TYW1: variants seen among roughly 807,000 people sequenced by gnomAD.
The protein encoded by TYW1 is S-adenosyl-L-methionine-dependent tRNA 4-demethylwyosine synthase TYW1.
A neutral mutation model predicts 96.2 loss-of-function variants in TYW1; 46 were observed. That is an observed-to-expected ratio of 0.48 (90% confidence interval 0.38 to 0.61). The LOEUF is 0.61. Among genes scored for constraint, TYW1 ranks in the 20% least tolerant of loss-of-function variants. The pLI, the probability that TYW1 is intolerant of heterozygous loss-of-function variation, is 0.00. For synonymous variants in TYW1, 274 were observed against 323.0 expected, an observed-to-expected ratio of 0.85 and a Z score of 1.63; for missense variants, 684 against 909.6, an observed-to-expected ratio of 0.75 and a Z score of 3.19.
chr7:67,145,293 T>C (rs367639378), intron 13 of TYW1, among the ~76,000 whole-genome samples: 1 of 151,290 alleles, frequency 6.6e-6, no homozygotes, highest in African/African-American at 2.4e-5. Context: ...GGACTACAGG[T>C]GCCCGCCAGC....
chr7:67,017,348 A>G (rs1794059998), intron 5 of TYW1, among the ~76,000 whole-genome samples: 2 of 152,156 alleles, frequency 1.3e-5, no homozygotes, highest in Non-Finnish European at 2.9e-5. Flanking sequence ...TTGAACTCTT[A>G]ACTATGCCTC....
intron 13 of TYW1, among the ~76,000 whole-genome samples, chr7:67,124,290 G>T (rs1332930083): frequency 6.6e-6 from 1 of 152,114 alleles, no homozygotes; most frequent in Non-Finnish European, 1.5e-5. Context: ...TGGAGATGGT[G>T]GTTTCCTTTT....
intron 13 of TYW1, among the ~76,000 whole-genome samples, chr7:67,149,835 C>CCA (rs1279572235): frequency 6.6e-6 from 1 of 151,980 alleles, no homozygotes; most frequent in African/African-American, 2.4e-5. Flanking sequence ...AACACGTGAA[C>CCA]CACATCATGA....
chr7:67,155,875 G>T (rs1432868667), intron 13 of TYW1, among the ~76,000 whole-genome samples: 3 of 151,958 alleles, frequency 2.0e-5, no homozygotes, highest in Admixed American at 2.0e-4. Context: ...CAGAGGCAAA[G>T]ACTTTTTCCT....
At chr7:67,130,419 A>G (rs928445203) in intron 13 of TYW1, among the ~76,000 whole-genome samples, 1 of 151,916 alleles carries the variant, frequency 6.6e-6, no homozygotes. Flanking sequence ...CACATCTGGA[A>G]TCCCAGCACT....
At chr7:67,062,577 A>AAAAAAAAAAAAAAG (rs773963932) in intron 9 of TYW1, among the ~76,000 whole-genome samples, 36 of 147,224 alleles carry the variant, frequency 2.4e-4, no homozygotes, top group Non-Finnish European at 4.1e-4. Context: ...AAAAAAAAAA[A>AAAAAAAAAAAAAAG]AAAAGAAAAG....
intron 13 of TYW1, among the ~76,000 whole-genome samples, chr7:67,151,154 G>A (rs189763953): frequency 1.3e-3 from 190 of 151,888 alleles, no homozygotes; most frequent in African/African-American, 4.3e-3. Context: ...GGGTTCAAGC[G>A]ATTCTCCTGC....
intron 13 of TYW1, among the ~76,000 whole-genome samples, chr7:67,157,350 A>G (rs1254087502): frequency 6.6e-6 from 1 of 152,136 alleles, no homozygotes; most frequent in Non-Finnish European, 1.5e-5. Flanking sequence ...CAATGGCACA[A>G]TCTCGGCTCA....
At chr7:67,149,684 T>C (rs1311126725) in intron 13 of TYW1, among the ~76,000 whole-genome samples, 1 of 149,438 alleles carries the variant, frequency 6.7e-6, no homozygotes, top group African/African-American at 2.5e-5. Flanking sequence ...TGATGTGATA[T>C]TTTTCTAGCT....
chr7:67,210,791 ATCTG>A (rs1393665854), intron 15 of TYW1, among the ~76,000 whole-genome samples: 1 of 105,298 alleles, frequency 9.5e-6, no homozygotes, highest in Non-Finnish European at 2.0e-5. Flanking sequence ...TCCGTCCATC[ATCTG>A]TCTGTGTCTA....
chr7:67,223,059 C>A (rs1162364106), intron 15 of TYW1, among the ~76,000 whole-genome samples: 1 of 151,994 alleles, frequency 6.6e-6, no homozygotes, highest in Non-Finnish European at 1.5e-5. Context: ...ATTGATATTT[C>A]TATTTTGTTC....
intron 13 of TYW1, among the ~76,000 whole-genome samples, chr7:67,145,984 T>A (rs1465172504): frequency 6.6e-6 from 1 of 152,188 alleles, no homozygotes; most frequent in Non-Finnish European, 1.5e-5. Context: ...CAGGCTGGTC[T>A]TGAACTCCTG....
At chr7:67,124,324 C>G (rs183316456) in intron 13 of TYW1, among the ~76,000 whole-genome samples, 3 of 152,196 alleles carry the variant, frequency 2.0e-5, no homozygotes, top group Admixed American at 2.0e-4. Context: ...GTCTTGAACT[C>G]CTGGACTCAA....
chr7:67,059,393 G>A (rs184947326), intron 9 of TYW1, among the ~76,000 whole-genome samples: 2,363 of 151,878 alleles, frequency 0.016, 31 homozygotes, highest in Admixed American at 0.044. Flanking sequence ...GTGAGCCACC[G>A]TGCCTGGCCA....
rs564739225 is a variant in TYW1, at chr7:67,141,865, C to T, written c.1698+24247C>T. Among the ~76,000 whole-genome samples, 4 of 152,216 alleles carry T rather than the reference C, an allele frequency of 2.6e-5. No individual in the cohort carries two copies. The South Asian group carries it at 8.3e-4, about 32-fold the overall frequency. ...ACCCTGACCAACATGGGGAGACGCCCTCTCTACTAAAAATACAAAATTAGC... is the reference window on the plus strand; with the variant it reads ...ACCCTGACCAACATGGGGAGACGCCTTCTCTACTAAAAATACAAAATTAGC... On this transcript the variant is annotated intron_variant, in intron 13 of 15. Transcript: ENST00000359626.
At chr7:67,183,327 T>C in intron 14 of TYW1, 91 bp downstream of exon 14, 1 of 1,096,150 alleles carries the variant, frequency 9.1e-7, no homozygotes, top group Non-Finnish European at 1.3e-6. Flanking sequence ...CTTGTAAAAC[T>C]CTAGAGGTCC....
intron 10 of TYW1, among the ~76,000 whole-genome samples, chr7:67,076,039 T>A (rs1796191807): frequency 6.6e-6 from 1 of 152,242 alleles, no homozygotes; most frequent in Non-Finnish European, 1.5e-5. Context: ...AAGCAAGCAT[T>A]AAGTCGTAGC....
Position 67,239,417 on chromosome 7 carries a change from G to T in TYW1, c.*888G>T. 1 of 983,312 alleles carries T rather than the reference G, an allele frequency of 1.0e-6. No individual in the cohort carries two copies. Among genetic ancestry groups the T allele is most frequent in the Non-Finnish European group, 1.2e-6 (1 of 828,070 alleles). The allele number at this position is 983,312 out of a possible 1,614,324, so 60.9% of individuals were successfully genotyped here. A position where few individuals can be genotyped will look rare whatever the true frequency, so the allele number is the denominator to read the frequency against. ...ATAAGGTTCAGGTGTTTTCAAGTTGGAAAGATCATAAATACTCAAAATTGT... is the reference window on the plus strand; with the variant it reads ...ATAAGGTTCAGGTGTTTTCAAGTTGTAAAGATCATAAATACTCAAAATTGT... On this transcript the variant is annotated 3_prime_UTR_variant, in exon 16 of 16. Coordinates refer to ENST00000359626, the MANE Select transcript of TYW1 (RefSeq NM_018264.4).
At chr7:67,167,668 T>C (rs1333950555) in intron 13 of TYW1, among the ~76,000 whole-genome samples, 1 of 152,084 alleles carries the variant, frequency 6.6e-6, no homozygotes, top group Non-Finnish European at 1.5e-5. Flanking sequence ...AAAACAATCC[T>C]TTCCTGCCCT....
Sources: allele counts gnomAD v4.1 joint callset (sites outside exome capture counted in the v4.1 genomes callset), GRCh38; gene constraint gnomAD v4.1.1; transcripts MANE v1.5; gene names NCBI Gene and HGNC (gene_info 2026-07-23, HGNC 2026-07-21).